Variants in DLGAP2 observed in about 807,000 individuals in gnomAD.
The protein encoded by DLGAP2 is disks large-associated protein 2.
A neutral mutation model predicts 100.3 loss-of-function variants in DLGAP2; 26 were observed. That is an observed-to-expected ratio of 0.26 (90% CI 0.19 to 0.36). DLGAP2 has a LOEUF of 0.36. Ranked by LOEUF, DLGAP2 falls within the 10% of genes least tolerant of loss-of-function variation. The probability of loss-of-function intolerance (pLI) is 1.00; values close to 1 mark genes in which losing one functional copy is unlikely to be tolerated. For synonymous variants in DLGAP2, 886 were observed against 630.1 expected, an observed-to-expected ratio of 1.41 and a Z score of -6.08; for missense variants, 1,858 against 1,453.2, an observed-to-expected ratio of 1.28 and a Z score of -4.53.
intron 2 of DLGAP2, among the ~76,000 whole-genome samples, chr8:994,448 C>T (rs956768259): frequency 2.6e-5 from 4 of 152,186 alleles, no homozygotes; most frequent in African/African-American, 9.7e-5. Context: ...GATCCGTCTG[C>T]CTCAGCCTCC....
At chr8:1,007,249 G>A (rs1225794015) in intron 2 of DLGAP2, among the ~76,000 whole-genome samples, 4 of 152,180 alleles carry the variant, frequency 2.6e-5, no homozygotes, top group South Asian at 2.1e-4. Flanking sequence ...CACTCTTCAC[G>A]TGTCTGCACG....
intron 6 of DLGAP2, among the ~76,000 whole-genome samples, chr8:1,608,845 G>A (rs1796906847): frequency 6.6e-6 from 1 of 150,608 alleles, no homozygotes; most frequent in African/African-American, 2.4e-5. Flanking sequence ...AGAGAAAAAA[G>A]AATAAAAAGA....
At chr8:762,791 C>T (rs537560948) in intron 1 of DLGAP2, among the ~76,000 whole-genome samples, 6 of 152,164 alleles carry the variant, frequency 3.9e-5, no homozygotes, top group African/African-American at 7.2e-5. Flanking sequence ...TGATCCTCCC[C>T]GTCAGCCTCC....
intron 2 of DLGAP2, among the ~76,000 whole-genome samples, chr8:1,206,678 T>C (rs1798001831): frequency 6.6e-6 from 1 of 152,206 alleles, no homozygotes; most frequent in Non-Finnish European, 1.5e-5. Flanking sequence ...TGTGAGTGAT[T>C]AATCTCCACA....
chr8:961,077 C>T (rs1338718943), intron 2 of DLGAP2, among the ~76,000 whole-genome samples: 2 of 152,220 alleles, frequency 1.3e-5, no homozygotes, highest in East Asian at 3.9e-4. Context: ...CTCATGTTGC[C>T]TGTGAACGAT....
chr8:1,039,661 G>GTCAGCTTGGTTTCT (rs1563158914), intron 2 of DLGAP2, among the ~76,000 whole-genome samples: 7 of 15,790 alleles, frequency 4.4e-4, no homozygotes, highest in Admixed American at 2.1e-3. Flanking sequence ...GCTCGGTGTG[G>GTCAGCTTGGTTTCT]GTGGTCAGCT....
chr8:1,700,966 T>G (rs4876123), intron 14 of DLGAP2, among the ~76,000 whole-genome samples: 1 of 152,040 alleles, frequency 6.6e-6, no homozygotes, highest in African/African-American at 2.4e-5. Context: ...CTCTGCCCCC[T>G]TTGGAGAGTG....
At chr8:1,280,218 A>G (rs1177073635) in intron 3 of DLGAP2, among the ~76,000 whole-genome samples, 1 of 152,142 alleles carries the variant, frequency 6.6e-6, no homozygotes, top group Non-Finnish European at 1.5e-5. Context: ...TTCATCAGCC[A>G]ATTTGATTGA....
intron 2 of DLGAP2, among the ~76,000 whole-genome samples, chr8:1,234,861 T>A (rs62486950): frequency 0.11 from 16,741 of 152,192 alleles, 1,046 homozygotes; most frequent in South Asian, 0.17. Flanking sequence ...TGTTCAACAC[T>A]TAACTGTCAC....
At chr8:1,252,274 A>G (rs1486854624) in intron 2 of DLGAP2, among the ~76,000 whole-genome samples, 3 of 146,498 alleles carry the variant, frequency 2.0e-5, no homozygotes, top group Non-Finnish European at 4.5e-5. Flanking sequence ...CAGTCACGTC[A>G]TGTCACACTT....
intron 2 of DLGAP2, among the ~76,000 whole-genome samples, chr8:1,183,785 C>T (rs1399449993): frequency 3.3e-5 from 5 of 152,198 alleles, no homozygotes; most frequent in African/African-American, 4.8e-5. Flanking sequence ...TAATTCTAAA[C>T]GAAGCTGCAG....
intron 3 of DLGAP2, among the ~76,000 whole-genome samples, chr8:1,373,309 C>A (rs370912211): frequency 1.3e-5 from 2 of 151,814 alleles, no homozygotes; most frequent in Admixed American, 6.6e-5. Flanking sequence ...GGGCCGCGGG[C>A]GGCAGCTGAC....
chr8:1,360,005 A>C (rs1283787446), intron 3 of DLGAP2, among the ~76,000 whole-genome samples: 1 of 152,182 alleles, frequency 6.6e-6, no homozygotes, highest in Non-Finnish European at 1.5e-5. Context: ...CCGGTGTTTC[A>C]GCAAAGAATC....
chr8:1,498,770 C>A (rs1251541542), intron 3 of DLGAP2, among the ~76,000 whole-genome samples: 1 of 152,138 alleles, frequency 6.6e-6, no homozygotes, highest in Non-Finnish European at 1.5e-5. Context: ...TGACTGAAGC[C>A]ACAGGAAGAG....
intron 3 of DLGAP2, among the ~76,000 whole-genome samples, chr8:1,268,033 A>C (rs1310296186): frequency 1.3e-5 from 2 of 152,230 alleles, no homozygotes; most frequent in Non-Finnish European, 2.9e-5. Context: ...GGATGAATTG[A>C]ACATACCATC....
At chr8:1,273,412 A>T (rs1422623386) in intron 3 of DLGAP2, among the ~76,000 whole-genome samples, 1 of 152,204 alleles carries the variant, frequency 6.6e-6, no homozygotes, top group Admixed American at 6.5e-5. Context: ...CAGCTGGCTT[A>T]TGGAGTGGAG....
At chr8:896,527 CTA>C (rs1428962321) in intron 1 of DLGAP2, among the ~76,000 whole-genome samples, 2 of 152,096 alleles carry the variant, frequency 1.3e-5, no homozygotes, top group Non-Finnish European at 2.9e-5. Flanking sequence ...CCCCAAATTC[CTA>C]TGTTGAAGCC....
At chr8:963,135 G>A (rs1799766490) in intron 2 of DLGAP2, among the ~76,000 whole-genome samples, 2 of 152,184 alleles carry the variant, frequency 1.3e-5, no homozygotes, top group African/African-American at 4.8e-5. Context: ...ACCCCTCGGA[G>A]CTTCTTGTGT....
chr8:1,160,947 T>C (rs1383688501), intron 2 of DLGAP2, among the ~76,000 whole-genome samples: 2 of 152,232 alleles, frequency 1.3e-5, no homozygotes, highest in Non-Finnish European at 2.9e-5. Flanking sequence ...TTTTACCCCA[T>C]AGCTGTGGCA....
Sources: allele counts gnomAD v4.1 joint callset (sites outside exome capture counted in the v4.1 genomes callset), GRCh38; gene constraint gnomAD v4.1.1; transcripts MANE v1.5; gene names NCBI Gene and HGNC (gene_info 2026-07-23, HGNC 2026-07-21).